The following IMMP2L variants were observed in gnomAD, a reference collection of about 807,000 sequenced individuals.
IMMP2L encodes the protein inner mitochondrial membrane peptidase subunit 2.
Under a neutral mutation model 19.3 loss-of-function variants are expected in IMMP2L, and 18 were observed. The observed-to-expected ratio is 0.93, with a 90% CI of 0.64 to 1.38. The LOEUF (loss-of-function observed/expected upper bound fraction) is 1.38, where lower values mean the gene tolerates loss of function less well. Among genes scored for constraint, IMMP2L ranks in the 40% most tolerant of loss-of-function variants. The pLI, the probability that IMMP2L is intolerant of heterozygous loss-of-function variation, is 0.00. For synonymous variants in IMMP2L, 76 were observed against 73.0 expected (o/e 1.04, Z -0.21); for missense variants, 233 against 218.2 (o/e 1.07, Z -0.43).
intron 3 of IMMP2L, among the ~76,000 whole-genome samples, chr7:111,341,437 A>C (rs1425645022): frequency 6.6e-6 from 1 of 152,172 alleles, no homozygotes; most frequent in Non-Finnish European, 1.5e-5. Context: ...ACATAGTTAC[A>C]TACATATGAA....
intron 5 of IMMP2L, among the ~76,000 whole-genome samples, chr7:110,821,228 CAA>C (rs905641055): frequency 3.9e-5 from 6 of 152,032 alleles, no homozygotes; most frequent in African/African-American, 1.4e-4. Context: ...TGCCCAAAAT[CAA>C]AGAGATAGTC....
At chr7:111,437,056 T>C (rs1173423273) in intron 3 of IMMP2L, among the ~76,000 whole-genome samples, 4 of 151,872 alleles carry the variant, frequency 2.6e-5, no homozygotes, top group Admixed American at 1.3e-4. Context: ...TTGGGGGTTA[T>C]ATTTCAACAT....
intron 2 of IMMP2L, among the ~76,000 whole-genome samples, chr7:111,510,122 T>C (rs774659496): frequency 2.0e-5 from 3 of 151,982 alleles, no homozygotes; most frequent in Non-Finnish European, 2.9e-5. Flanking sequence ...ATGAAGAAAA[T>C]AGAGCTTGAG....
At position 111,503,446 on chromosome 7, in the gene IMMP2L, G is replaced by A. The variant is rs561941544; in HGVS notation, c.136-16105C>T. The stretch of plus-strand genomic sequence containing the variant: ...AACTATTCCAATCAATAGAAAAAGA[G>A]GGAATCCTCCCTAACTCATTTTAGG... On this transcript the variant is annotated intron_variant, in intron 2 of 5. Transcript: ENST00000405709. 2.9e-3 allele frequency among the ~76,000 whole-genome samples: 444 copies of A among 152,230 alleles called. 6 individuals carry two copies. The South Asian group carries it at 0.04, about 14-fold the overall frequency.
intron 4 of IMMP2L, among the ~76,000 whole-genome samples, chr7:110,916,473 G>A (rs1241625592): frequency 2.0e-5 from 3 of 152,204 alleles, no homozygotes; most frequent in South Asian, 4.1e-4. Flanking sequence ...GTGGGACATC[G>A]CTGGGATAGA....
In IMMP2L at chr7:111,142,519, G is replaced by C. The variant is rs556296848; in HGVS notation, c.240-178954C>G. ...TAATCAGAAAAAGTGCAACAAGTAG[G>C]GTTCATTTTGATATTTTTCTTTCCT... On this transcript the variant is annotated intron_variant, in intron 3 of 5. Transcript: ENST00000405709. 2.7e-4 allele frequency among the ~76,000 whole-genome samples: 41 copies of C among 151,816 alleles called. 1 individual carries two copies. Among genetic ancestry groups the C allele is most frequent in the Non-Finnish European group, 4.6e-4 (31 of 67,978 alleles).
At chr7:111,522,266 G>C (rs1846409650) in intron 1 of IMMP2L, among the ~76,000 whole-genome samples, 1 of 151,668 alleles carries the variant, frequency 6.6e-6, no homozygotes, top group Non-Finnish European at 1.5e-5. Flanking sequence ...AGACTTTTTT[G>C]GATAAGACTT....
At chr7:110,945,986 G>A (rs565806619) in intron 4 of IMMP2L, among the ~76,000 whole-genome samples, 2 of 152,156 alleles carry the variant, frequency 1.3e-5, no homozygotes, top group South Asian at 2.1e-4. Flanking sequence ...TATCCTGTGG[G>A]AAGATAGCAC....
chr7:111,547,512 C>G lies in IMMP2L; in HGVS notation c.-3+14339G>C, dbSNP rs923251138. On this transcript the variant is annotated intron_variant, in intron 1 of 5. Coordinates refer to ENST00000405709, the MANE Select transcript of IMMP2L (RefSeq NM_032549.4). ...GGCTAAACAAACTGTCATACCCCCC[C>G]CCCCTTTTTATCCTGCTTTTTTGCT... Among the ~76,000 whole-genome samples the G allele has an allele frequency of 6.6e-4, 100 of 150,516 alleles. 1 individual carries two copies. The highest frequency in any genetic ancestry group is 2.4e-3 in the African/African-American group (96 of 40,560).
At chr7:111,304,507 A>G (rs1822611915) in intron 3 of IMMP2L, among the ~76,000 whole-genome samples, 1 of 151,988 alleles carries the variant, frequency 6.6e-6, no homozygotes, top group South Asian at 2.1e-4. Flanking sequence ...GTGTATATAT[A>G]TAAAATGTGT....
chr7:111,421,274 T>C (rs1248203420), intron 3 of IMMP2L, among the ~76,000 whole-genome samples: 15 of 121,028 alleles, frequency 1.2e-4, no homozygotes, highest in Admixed American at 9.3e-4. Context: ...TTTCTTTTTT[T>C]TTTTTTTTTT....
intron 3 of IMMP2L, among the ~76,000 whole-genome samples, chr7:111,118,405 G>T (rs1800150875): frequency 6.6e-6 from 1 of 151,998 alleles, no homozygotes; most frequent in Non-Finnish European, 1.5e-5. Flanking sequence ...TTCACATAAA[G>T]AAATCTCAAA....
chr7:111,556,019 T>TATAC (rs1482136478), intron 1 of IMMP2L, among the ~76,000 whole-genome samples: 1 of 94,554 alleles, frequency 1.1e-5, no homozygotes, highest in Non-Finnish European at 2.0e-5. Context: ...TGTGTGCATG[T>TATAC]ATATATATAT....
chr7:110,920,287 C>T (rs1814120231), intron 4 of IMMP2L, among the ~76,000 whole-genome samples: 1 of 152,090 alleles, frequency 6.6e-6, no homozygotes, highest in Admixed American at 6.5e-5. Context: ...TCTAGGGAAC[C>T]CTAATACAGT....
intron 4 of IMMP2L, among the ~76,000 whole-genome samples, chr7:110,940,571 T>C (rs1816629523): frequency 6.6e-6 from 1 of 152,076 alleles, no homozygotes; most frequent in African/African-American, 2.4e-5. Flanking sequence ...GGGATCTGAG[T>C]TTTACTTCAT....
At chr7:111,394,316 A>T (rs1020864995) in intron 3 of IMMP2L, among the ~76,000 whole-genome samples, 2 of 152,168 alleles carry the variant, frequency 1.3e-5, no homozygotes, top group African/African-American at 2.4e-5. Flanking sequence ...TTAGCATTAA[A>T]TGTAGTATAA....
chr7:111,079,419 AT>A (rs1219417890), intron 3 of IMMP2L, among the ~76,000 whole-genome samples: 4 of 151,942 alleles, frequency 2.6e-5, no homozygotes, highest in African/African-American at 9.7e-5. Flanking sequence ...GCCCGGCCTA[AT>A]TTTTTTCTAA....
At chr7:110,726,838 C>A (rs1490987718) in intron 5 of IMMP2L, among the ~76,000 whole-genome samples, 17 of 152,120 alleles carry the variant, frequency 1.1e-4, no homozygotes, top group Admixed American at 1.1e-3. Flanking sequence ...ATCACCAATG[C>A]CCAAATTACT....
intron 3 of IMMP2L, among the ~76,000 whole-genome samples, chr7:111,204,548 C>A (rs1810496219): frequency 6.6e-6 from 1 of 152,014 alleles, no homozygotes; most frequent in Non-Finnish European, 1.5e-5. Context: ...TAATGATCTA[C>A]CAGCTCTCTT....
Sources: allele counts gnomAD v4.1 joint callset (sites outside exome capture counted in the v4.1 genomes callset), GRCh38; gene constraint gnomAD v4.1.1; transcripts MANE v1.5; gene names NCBI Gene and HGNC (gene_info 2026-07-23, HGNC 2026-07-21).